Variants in PRKAG2 observed in about 807,000 individuals in gnomAD.
PRKAG2 encodes the protein protein kinase AMP-activated non-catalytic subunit gamma 2, also known as 5'-AMP-activated protein kinase subunit gamma-2.
In PRKAG2, 26 loss-of-function variants were observed where a neutral mutation model predicts 69.6. The observed-to-expected ratio is 0.37, with a 90% CI of 0.27 to 0.52. The LOEUF is 0.52. Among genes scored for constraint, PRKAG2 ranks in the 20% least tolerant of loss-of-function variants. The pLI is 0.90. For synonymous variants in PRKAG2, 293 were observed against 285.0 expected (o/e 1.03, Z -0.28); for missense variants, 557 against 740.0 (o/e 0.75, Z 2.87).
chr7:151,593,416 A>T (rs1244683826), intron 6 of PRKAG2, among the ~76,000 whole-genome samples: 1 of 151,820 alleles, frequency 6.6e-6, no homozygotes, highest in African/African-American at 2.4e-5. Context: ...GTGGTCTTGA[A>T]CTCCTAACCT....
chr7:151,716,808 A>G (rs1160919584), intron 3 of PRKAG2, among the ~76,000 whole-genome samples: 1 of 152,234 alleles, frequency 6.6e-6, no homozygotes, highest in Non-Finnish European at 1.5e-5. Flanking sequence ...TGAGCCACGC[A>G]GCTGCTCCAG....
chr7:151,869,431 GT>G (rs1334737437), intron 1 of PRKAG2, among the ~76,000 whole-genome samples: 1 of 152,214 alleles, frequency 6.6e-6, no homozygotes, highest in Non-Finnish European at 1.5e-5. Flanking sequence ...AATTAACCCT[GT>G]CATCTACCAT....
intron 4 of PRKAG2, among the ~76,000 whole-genome samples, chr7:151,642,206 G>A (rs1826845782): frequency 6.6e-6 from 1 of 152,000 alleles, no homozygotes; most frequent in African/African-American, 2.4e-5. Context: ...AGCCAGGCAT[G>A]GTGGCAGGCA....
chr7:151,827,004 T>G (rs2078916621), intron 1 of PRKAG2, among the ~76,000 whole-genome samples: 1 of 152,198 alleles, frequency 6.6e-6, no homozygotes, highest in African/African-American at 2.4e-5. Flanking sequence ...AAATTTAACA[T>G]GGAAGGCTGG....
intron 3 of PRKAG2, among the ~76,000 whole-genome samples, chr7:151,769,053 C>T (rs2075889953): frequency 6.6e-6 from 1 of 152,238 alleles, no homozygotes; most frequent in South Asian, 2.1e-4. Flanking sequence ...ATGATGCTAT[C>T]TGGTTTTACC....
intron 1 of PRKAG2, among the ~76,000 whole-genome samples, chr7:151,832,212 A>AGAGCAGGG (rs2079041212): frequency 8.6e-6 from 1 of 115,804 alleles, no homozygotes; most frequent in African/African-American, 3.3e-5. Flanking sequence ...AGAGGGAGGA[A>AGAGCAGGG]GAGGAGGGGA....
chr7:151,870,398 A>G (rs566473666), intron 1 of PRKAG2, among the ~76,000 whole-genome samples: 1 of 152,320 alleles, frequency 6.6e-6, no homozygotes, highest in African/African-American at 2.4e-5. Context: ...TTTATATTCT[A>G]AACAAACACT....
intron 4 of PRKAG2, among the ~76,000 whole-genome samples, chr7:151,633,898 A>G (rs886164164): frequency 2.6e-5 from 4 of 152,188 alleles, no homozygotes; most frequent in Non-Finnish European, 4.4e-5. Flanking sequence ...TAAAATTTAT[A>G]TGGAAAGGTG....
rs200187601 is a variant in PRKAG2 at position 151,636,695 on chromosome 7, A to AAT, written c.685-4559_685-4558dup. 7.7e-4 allele frequency among the ~76,000 whole-genome samples: 114 copies of AAT among 147,834 alleles called. 1 individual carries two copies. In the Middle Eastern group the frequency reaches 0.031, roughly 41 times the overall value. ...TGGGCCACAGGGTAACCCTATGTTT[A>AAT]ATATATATATATTTTAAATTTAGTT... On this transcript the variant is annotated intron_variant, in intron 4 of 15. Transcript: ENST00000287878.
intron 3 of PRKAG2, among the ~76,000 whole-genome samples, chr7:151,778,055 C>G (rs1201613739): frequency 6.6e-6 from 1 of 152,102 alleles, no homozygotes; most frequent in Non-Finnish European, 1.5e-5. Flanking sequence ...AACCAATGGA[C>G]CCCACCCAGA....
At chr7:151,588,120 T>A (rs932378965) in intron 6 of PRKAG2, among the ~76,000 whole-genome samples, 1 of 152,136 alleles carries the variant, frequency 6.6e-6, no homozygotes, top group African/African-American at 2.4e-5. Flanking sequence ...CCACCAATCC[T>A]AGGGTGTGAG....
intron 1 of PRKAG2, among the ~76,000 whole-genome samples, chr7:151,847,599 T>C (rs1586714583): frequency 6.6e-6 from 1 of 152,308 alleles, no homozygotes. Context: ...CTGCTCATCT[T>C]CTGAAGGCTC....
chr7:151,774,897 T>G (rs1420848281), intron 3 of PRKAG2, among the ~76,000 whole-genome samples: 1 of 152,232 alleles, frequency 6.6e-6, no homozygotes, highest in Non-Finnish European at 1.5e-5. Context: ...CACTTTAGAT[T>G]CTATGTTTGT....
chr7:151,669,632 CA>C lies in PRKAG2; in HGVS notation c.684+5787del, dbSNP rs1176938648. On this transcript the variant is annotated intron_variant, in intron 4 of 15. Transcript: ENST00000287878. ...TTGCCACTTATATCTGAATGATTTT[CA>C]AATTGAAGTTCCAGCTCCAGACTCA... 1.8e-4 allele frequency among the ~76,000 whole-genome samples: 28 copies of C among 151,682 alleles called. No individual in the cohort carries two copies. In the South Asian group the frequency reaches 3.5e-3, roughly 19 times the overall value.
intron 1 of PRKAG2, among the ~76,000 whole-genome samples, chr7:151,800,153 C>A (rs544277160): frequency 6.6e-6 from 1 of 151,782 alleles, no homozygotes; most frequent in Non-Finnish European, 1.5e-5. Context: ...GTCAGGAGAT[C>A]GAGACCATCC....
intron 3 of PRKAG2, among the ~76,000 whole-genome samples, chr7:151,706,471 C>G (rs773727919): frequency 6.6e-6 from 1 of 152,194 alleles, no homozygotes; most frequent in Non-Finnish European, 1.5e-5. Flanking sequence ...ACTATCTCCC[C>G]ACCTGGGACA....
chr7:151,641,879 AAAT>A (rs1181101229), intron 4 of PRKAG2, among the ~76,000 whole-genome samples: 3 of 151,982 alleles, frequency 2.0e-5, no homozygotes, highest in Non-Finnish European at 4.4e-5. Context: ...AAAAAATCTC[AAAT>A]ATATATTCAA....
At chr7:151,753,238 C>T (rs1345068358) in intron 3 of PRKAG2, among the ~76,000 whole-genome samples, 15 of 152,212 alleles carry the variant, frequency 9.9e-5, no homozygotes, top group Admixed American at 9.8e-4. Flanking sequence ...AATGACGCCC[C>T]TGAGACAAGG....
Position 151,781,527 on chromosome 7 carries a change from C to T in PRKAG2, c.187-96G>A, listed in dbSNP as rs12375159. On this transcript the variant is annotated intron_variant, in intron 2 of 15. Coordinates refer to ENST00000287878, the MANE Select transcript of PRKAG2 (RefSeq NM_016203.4). This position sits in a 1 kb window ranked among gnomAD's most constrained non-coding sequence, Gnocchi z 6.1. ...ACTTATCATTGTCCTCTCTCACATG[C>T]GGGCCCCCCATAGTACCCTCCCAGA... is the stretch of plus-strand genomic sequence containing the variant. 216,263 of 1,432,380 alleles carry T rather than the reference C, an allele frequency of 0.15. 17,544 individuals are homozygous for T. Among genetic ancestry groups the T allele is most frequent in the Admixed American group, 0.24 (12,239 of 50,680 alleles). The allele number at this position is 1,432,380 out of a possible 1,614,324, so 88.7% of individuals were successfully genotyped here. A position where few individuals can be genotyped will look rare whatever the true frequency, so the allele number is the denominator to read the frequency against.
Sources: allele counts gnomAD v4.1 joint callset (sites outside exome capture counted in the v4.1 genomes callset), GRCh38; gene constraint gnomAD v4.1.1; non-coding constraint Gnocchi (gnomAD v3.1); transcripts MANE v1.5; gene names NCBI Gene and HGNC (gene_info 2026-07-23, HGNC 2026-07-21).